Variants in PRKCI observed in about 807,000 individuals in gnomAD.
The protein encoded by PRKCI is protein kinase C iota type.
PRKCI carries 43 observed loss-of-function variants against 84.0 expected under a neutral mutation model. The ratio of observed to expected loss-of-function variants is 0.51; its 90% CI spans 0.40 to 0.66. PRKCI has a LOEUF of 0.66. PRKCI is among the 30% of genes least tolerant of loss of function. PRKCI has a pLI of 0.00. For missense variants in PRKCI, 459 were observed against 745.6 expected, an observed-to-expected ratio of 0.62 and a Z score of 4.48; for synonymous variants, 216 against 234.4, an observed-to-expected ratio of 0.92 and a Z score of 0.72.
intron 2 of PRKCI, chr3:170,244,846 C>T (rs904088134): frequency 6.6e-6 from 1 of 152,174 alleles, no homozygotes; most frequent in Non-Finnish European, 1.5e-5. Context: ...TTTCTTTGTT[C>T]CTTCCACTCC....
chr3:170,257,376 G>C (rs931891487), intron 2 of PRKCI, among the ~76,000 whole-genome samples: 5 of 152,116 alleles, frequency 3.3e-5, no homozygotes, highest in African/African-American at 1.2e-4. Flanking sequence ...CCGCAGTTTT[G>C]GTGGAGTGTT....
rs367592150 is a variant in PRKCI, at chr3:170,232,606, G to A, written c.102-2624G>A. Among the ~76,000 whole-genome samples, 326 of 151,256 alleles carry A rather than the reference G, an allele frequency of 2.2e-3. 3 individuals carry two copies. Among genetic ancestry groups the A allele is most frequent in the African/African-American group, 7.6e-3 (313 of 41,184 alleles). ...TTTAGAGACAGAGTCTTGCTCTGTC[G>A]CCCAAGCTGAAGTCCAATGGCTCGA... On this transcript the variant is annotated intron_variant, in intron 1 of 17. Transcript: ENST00000295797.
chr3:170,242,144 A>G (rs932970877), intron 2 of PRKCI, among the ~76,000 whole-genome samples: 1 of 152,150 alleles, frequency 6.6e-6, no homozygotes, highest in Non-Finnish European at 1.5e-5. Flanking sequence ...GGGTCTTGTT[A>G]CATTGTTGCC....
intron 14 of PRKCI, 60 bp downstream of exon 14, chr3:170,293,568 G>A: frequency 1.3e-6 from 2 of 1,537,644 alleles, no homozygotes; most frequent in South Asian, 2.3e-5. Context: ...GTACAAATGA[G>A]AGTGATTCAG....
Position 170,299,059 on chromosome 3 carries a change from A to G in PRKCI, c.1652A>G (p.Asn551Ser), listed in dbSNP as rs1734758545. The change falls in exon 17 of 18, where the codon AAC becomes AGC. Residue 551 changes from asparagine (N) to serine (S), a missense_variant. Coordinates refer to ENST00000295797, the MANE Select transcript of PRKCI (RefSeq NM_002740.6). Reference sequence around the variant, plus strand: ...ATTTCTGGGGAATTTGGTTTGGACAACTTTGATTCTCAGTTTACTAATGAA... The same window carrying G: ...ATTTCTGGGGAATTTGGTTTGGACAGCTTTGATTCTCAGTTTACTAATGAA... ...PNISGEFGLD[N>S]FDSQFTNEPV... 1.2e-6 allele frequency: 2 copies of G among 1,613,384 alleles called. No homozygotes were observed. Among genetic ancestry groups the G allele is most frequent in the Non-Finnish European group, 8.5e-7 (1 of 1,179,720 alleles).
At chr3:170,254,054 G>A (rs1473490516) in intron 2 of PRKCI, among the ~76,000 whole-genome samples, 1 of 150,396 alleles carries the variant, frequency 6.6e-6, no homozygotes, top group Non-Finnish European at 1.5e-5. Context: ...CCAAGATTAC[G>A]CCACTGCACT....
intron 2 of PRKCI, among the ~76,000 whole-genome samples, chr3:170,258,166 A>G (rs1024513931): frequency 9.9e-5 from 15 of 151,836 alleles, no homozygotes; most frequent in Non-Finnish European, 1.9e-4. Flanking sequence ...TTCTTTCTCA[A>G]TTAGCAGACC....
At chr3:170,259,874 TA>T in intron 2 of PRKCI, 94 bp from the exon 3 acceptor site, 1 of 577,464 alleles carries the variant, frequency 1.7e-6, no homozygotes, top group Non-Finnish European at 3.0e-6. Flanking sequence ...AATATGAGAT[TA>T]TTTTTTCTAA....
chr3:170,299,736 G>T (rs1734777258), intron 17 of PRKCI, among the ~76,000 whole-genome samples: 1 of 152,190 alleles, frequency 6.6e-6, no homozygotes, highest in Non-Finnish European at 1.5e-5. Flanking sequence ...CAGCTATCAG[G>T]TGGCAGAGTC....
chr3:170,270,576 CTTTTTTTTT>C lies in PRKCI; in HGVS notation c.591+27_591+35del. 1 of 1,364,746 alleles carries C rather than the reference CTTTTTTTTT, an allele frequency of 7.3e-7. No individual in the cohort carries two copies. Among genetic ancestry groups the C allele is most frequent in the Non-Finnish European group, 9.5e-7 (1 of 1,052,610 alleles). 84.5% of individuals were successfully genotyped at this position (1,364,746 alleles called of 1,614,324 possible). A position where few individuals can be genotyped will look rare whatever the true frequency, so the allele number is the denominator to read the frequency against. On this transcript the variant is annotated intron_variant, in intron 6 of 17. Transcript: ENST00000295797. ...CTTTGCCACAGGTAAGATGTCTGTCCTTTTTTTTTTTTTTTTTTTTAAGAGCGTGCTTGA... is the reference window on the plus strand; with the variant it reads ...CTTTGCCACAGGTAAGATGTCTGTCCTTTTTTTTTTTAAGAGCGTGCTTGA...
At chr3:170,268,604 T>C (rs1440423617) in intron 5 of PRKCI, among the ~76,000 whole-genome samples, 3 of 152,342 alleles carry the variant, frequency 2.0e-5, no homozygotes, top group East Asian at 3.9e-4. Context: ...GGTTTATTTA[T>C]TTAATATTAA....
intron 4 of PRKCI, among the ~76,000 whole-genome samples, chr3:170,266,538 C>T (rs1233220083): frequency 6.7e-6 from 1 of 149,630 alleles, no homozygotes; most frequent in Non-Finnish European, 1.5e-5. Flanking sequence ...AAACAACTAA[C>T]CAGACTCTTT....
chr3:170,284,261 G>C (rs2108860762), intron 11 of PRKCI, among the ~76,000 whole-genome samples, 200 bp from the exon 12 acceptor site: 1 of 152,124 alleles, frequency 6.6e-6, no homozygotes, highest in Non-Finnish European at 1.5e-5. Flanking sequence ...AAAAATGTGA[G>C]TTTAAGTTAG....
At chr3:170,248,672 G>GT (rs1176455096) in intron 2 of PRKCI, among the ~76,000 whole-genome samples, 2 of 152,246 alleles carry the variant, frequency 1.3e-5, no homozygotes, top group East Asian at 3.9e-4. Context: ...CGTAGAATCA[G>GT]TAACTCTTAT....
chr3:170,250,435 C>G (rs1161584487), intron 2 of PRKCI, among the ~76,000 whole-genome samples: 1 of 86,036 alleles, frequency 1.2e-5, no homozygotes, highest in Non-Finnish European at 2.4e-5. Context: ...ATTACCAACC[C>G]CCCCCCCCCA....
At chr3:170,290,858 C>A (rs966495833) in intron 12 of PRKCI, among the ~76,000 whole-genome samples, 1 of 152,060 alleles carries the variant, frequency 6.6e-6, no homozygotes, top group Non-Finnish European at 1.5e-5. Context: ...AAAATACAGG[C>A]CCGGCATGGT....
In PRKCI at chr3:170,280,336, G is replaced by A. The variant is rs762380206; in HGVS notation, c.815G>A (p.Arg272Gln). Residue 272 changes from arginine to glutamine, a missense_variant, in exon 9 of 18, where the codon CGA (arginine) becomes CAA (glutamine). By Grantham distance (43) the Arg-to-Gln change is conservative (BLOSUM62 1). This residue lies in a region of PRKCI where 209 missense variants were observed against 425.9 expected (regional missense o/e 0.49). Transcript: ENST00000295797. Reference protein sequence around the residue: ...RGSYAKVLLVRLKKTDRIYAM... With the variant: ...RGSYAKVLLVQLKKTDRIYAM... ...AGTTATGCCAAAGTACTGTTGGTTC[G>A]ATTAAAAAAAACAGATCGTATTTAT... The A allele has an allele frequency of 6.9e-5, 112 of 1,612,990 alleles. 1 individual carries two copies. In the South Asian group the frequency reaches 8.3e-4, roughly 12 times the overall value.
chr3:170,233,551 A>G (rs1732858955), intron 1 of PRKCI, among the ~76,000 whole-genome samples: 1 of 152,142 alleles, frequency 6.6e-6, no homozygotes, highest in South Asian at 2.1e-4. Flanking sequence ...TAGCTTTGGT[A>G]CTGTAACAAG....
At chr3:170,281,318 A>G (rs1281963379) in intron 10 of PRKCI, 55 bp downstream of exon 10, 1 of 1,420,836 alleles carries the variant, frequency 7.0e-7, no homozygotes, top group East Asian at 2.3e-5. Flanking sequence ...TGGTCATATT[A>G]CACAGTTAGA....
Sources: gnomAD v4.1 joint callset for allele counts (sites outside exome capture counted in the v4.1 genomes callset) on GRCh38, gnomAD v4.1.1 for gene constraint, gnomAD v4.1.1 regional missense constraint, MANE v1.5 for transcripts, NCBI Gene and HGNC (gene_info 2026-07-23, HGNC 2026-07-21) for gene names.